Variants in PARG observed in about 807,000 individuals in gnomAD.
PARG encodes mitochondrial poly(ADP-ribose) glycohydrolase.
In PARG, 35 loss-of-function variants were observed where a neutral mutation model predicts 113.0. That is an observed-to-expected ratio of 0.31 (90% CI 0.24 to 0.41). The LOEUF (loss-of-function observed/expected upper bound fraction) is 0.41. PARG is among the 10% of genes least tolerant of loss of function. PARG has a pLI of 1.00. For missense variants in PARG, 797 were observed against 1,169.4 expected, an observed-to-expected ratio of 0.68 and a Z score of 4.64; for synonymous variants, 330 against 409.9, an observed-to-expected ratio of 0.81 and a Z score of 2.36.
rs1838596426 is a variant in PARG at position 49,933,600 on chromosome 10, C to G, written c.848G>C (p.Arg283Thr). ...AGAATTTCCTAGGCAACTTTCTTGT[C>G]TAGTCAATTTGTTGTCATTTTTTGG... The part of the protein sequence containing the change: ...TGPKNDNKLT[R>T]QESCLGNSPP... The change falls in exon 3 of 18, where the codon AGA becomes ACA. Residue 283 changes from arginine to threonine, a missense_variant. Physicochemically the swap from Arg to Thr is moderately conservative, Grantham distance 71. Around this residue, in one of 5 missense-constraint regions of PARG, gnomAD observed 284 missense variants for 306.1 expected, o/e 0.93. Transcript: ENST00000616448. 5 of 1,611,094 alleles carry G rather than the reference C, an allele frequency of 3.1e-6. No homozygotes were observed. In the Admixed American group the frequency reaches 8.3e-5, roughly 27 times the overall value.
chr10:49,926,976 G>T (rs1295560533), intron 4 of PARG, among the ~76,000 whole-genome samples: 3 of 152,108 alleles, frequency 2.0e-5, no homozygotes, highest in Non-Finnish European at 4.4e-5. Flanking sequence ...CACTGGGTGA[G>T]TGTACTCAGG....
intron 16 of PARG, among the ~76,000 whole-genome samples, chr10:49,824,465 C>T (rs142255018): frequency 1.1e-3 from 172 of 152,306 alleles, no homozygotes; most frequent in African/African-American, 4.0e-3. Context: ...AAAATAATCA[C>T]TTAAATTAAC....
intron 7 of PARG, among the ~76,000 whole-genome samples, chr10:49,913,740 T>C (rs1837319906): frequency 6.6e-6 from 1 of 152,134 alleles, no homozygotes; most frequent in South Asian, 2.1e-4. Context: ...CCATCTCTAC[T>C]AAAAATATAA....
chr10:49,920,602 A>T, intron 6 of PARG, among the ~76,000 whole-genome samples: 2 of 144,824 alleles, frequency 1.4e-5, no homozygotes, highest in Non-Finnish European at 3.0e-5. Context: ...ATACATATAT[A>T]CGTACATATA....
At chr10:49,892,427 ATAT>A (rs1554841779) in intron 7 of PARG, among the ~76,000 whole-genome samples, 1 of 152,068 alleles carries the variant, frequency 6.6e-6, no homozygotes, top group East Asian at 1.9e-4. Flanking sequence ...AATTTTTAAA[ATAT>A]TATATTTTTC....
At chr10:49,938,795 A>C (rs1227325138) in intron 1 of PARG, among the ~76,000 whole-genome samples, 1 of 152,118 alleles carries the variant, frequency 6.6e-6, no homozygotes. Flanking sequence ...ATTTAAAGAT[A>C]CTGAATAAAT....
intron 9 of PARG, among the ~76,000 whole-genome samples, chr10:49,873,407 T>A (rs1211026207): frequency 2.7e-5 from 4 of 146,078 alleles, no homozygotes; most frequent in African/African-American, 1.0e-4. Flanking sequence ...CACATAAAAG[T>A]GGGGGGACTT....
chr10:49,839,392 G>C (rs1286296868), intron 15 of PARG, among the ~76,000 whole-genome samples: 1 of 151,606 alleles, frequency 6.6e-6, no homozygotes, highest in Non-Finnish European at 1.5e-5. Flanking sequence ...AAATATTTTT[G>C]AGACACTTCC....
rs71026274 is a variant in PARG, at chr10:49,828,092, C to CAAAAAA, written c.2647+4705_2647+4710dup. Among the ~76,000 whole-genome samples, 178 of 50,412 alleles carry CAAAAAA rather than the reference C, an allele frequency of 3.5e-3. 31 individuals carry two copies. The highest frequency in any genetic ancestry group is 0.024 in the Middle Eastern group (1 of 42). 33.1% of individuals were successfully genotyped at this position (50,412 alleles called of 152,430 possible). ...TGAGACGAGATGTAGAAAGCTTAAA[C>CAAAAAA]AAAAAAAAAAAAAAAAAAAAAAAAA... is the stretch of plus-strand genomic sequence containing the variant. On this transcript the variant is annotated intron_variant, in intron 16 of 17. Coordinates refer to ENST00000616448, the MANE Select transcript of PARG (RefSeq NM_003631.5).
At chr10:49,920,080 T>C (rs1272405990) in intron 6 of PARG, among the ~76,000 whole-genome samples, 1 of 151,954 alleles carries the variant, frequency 6.6e-6, no homozygotes, top group Non-Finnish European at 1.5e-5. Context: ...AATCAAATGA[T>C]GGTTCATTAT....
In PARG at chr10:49,832,784, C is replaced by G. The variant is rs1441454624; in HGVS notation, c.2647+19G>C. The G allele has an allele frequency of 6.9e-7, 1 of 1,444,320 alleles. No homozygotes were observed. The highest frequency in any genetic ancestry group is 1.4e-5 in the African/African-American group (1 of 70,448). The allele number at this position is 1,444,320 out of a possible 1,614,324, so 89.5% of individuals were successfully genotyped here. On this transcript the variant is annotated intron_variant, in intron 16 of 17. Transcript: ENST00000616448. The stretch of plus-strand genomic sequence containing the variant: ...TTTGTGTGGGCAGAATGCTTTTATC[C>G]TTTTCTACAACAACTTACCTTTTAA...
At chr10:49,831,083 A>G (rs951105921) in intron 16 of PARG, among the ~76,000 whole-genome samples, 1 of 152,176 alleles carries the variant, frequency 6.6e-6, no homozygotes, top group African/African-American at 2.4e-5. Flanking sequence ...AGACTTTCTA[A>G]AAGGAGGAGG....
At chr10:49,891,609 ATATATATATATATATTTTT>A (rs1267643584) in intron 7 of PARG, among the ~76,000 whole-genome samples, 7 of 46,286 alleles carry the variant, frequency 1.5e-4, no homozygotes, top group African/African-American at 8.0e-4. Flanking sequence ...ATATATATAT[ATATATATATATATATTTTT>A]TTTTTTTTTT....
At chr10:49,865,203 T>G (rs1554836614) in intron 11 of PARG, 118 bp downstream of exon 11, 2 of 655,858 alleles carry the variant, frequency 3.0e-6, no homozygotes, top group African/African-American at 3.7e-5. Context: ...TCCCTGGCAC[T>G]AGGATAAATA....
intron 7 of PARG, among the ~76,000 whole-genome samples, chr10:49,892,034 C>T (rs1847831455): frequency 6.6e-6 from 1 of 151,774 alleles, no homozygotes; most frequent in African/African-American, 2.4e-5. Context: ...CTCACACCTG[C>T]AATCCCAGCA....
At chr10:49,879,246 CAT>C (rs1424086128) in intron 9 of PARG, among the ~76,000 whole-genome samples, 1 of 152,076 alleles carries the variant, frequency 6.6e-6, no homozygotes, top group African/African-American at 2.4e-5. Context: ...TTTAGACTCT[CAT>C]TTTATAAGAC....
chr10:49,878,358 C>T lies in PARG; in HGVS notation c.1988+1315G>A, dbSNP rs369023709. ...TCAGACTGGGTGCAGTGGCTCACAC[C>T]TGTAATCCCAGCACTTTGGGAGATA... On this transcript the variant is annotated intron_variant, in intron 9 of 17. Coordinates refer to ENST00000616448, the MANE Select transcript of PARG (RefSeq NM_003631.5). Among the ~76,000 whole-genome samples the T allele has an allele frequency of 7.5e-5, 11 of 145,710 alleles. No homozygotes were observed. The South Asian group carries it at 2.2e-3, about 29-fold the overall frequency.
chr10:49,857,546 C>T (rs1846054471), intron 12 of PARG, 93 bp from the exon 13 acceptor site: 2 of 649,702 alleles, frequency 3.1e-6, no homozygotes, highest in Non-Finnish European at 5.3e-6. Flanking sequence ...ATCTTTTCCT[C>T]TCCCATGAAA....
At chr10:49,910,844 C>G (rs763718539) in intron 7 of PARG, among the ~76,000 whole-genome samples, 3 of 151,992 alleles carry the variant, frequency 2.0e-5, no homozygotes, top group Non-Finnish European at 4.4e-5. Context: ...TATCCAAGTC[C>G]AGAAATAGAA....
Sources: allele counts gnomAD v4.1 joint callset (sites outside exome capture counted in the v4.1 genomes callset), GRCh38; gene constraint gnomAD v4.1.1; regional missense constraint gnomAD v4.1.1; transcripts MANE v1.5; gene names NCBI Gene and HGNC (gene_info 2026-07-23, HGNC 2026-07-21).